Variants in POLR1D observed in about 807,000 individuals in gnomAD.
The protein encoded by POLR1D is RNA polymerase I and III subunit D.
In POLR1D, 8 loss-of-function variants were observed where a neutral mutation model predicts 10.8. The observed-to-expected ratio is 0.74, with a 90% CI of 0.43 to 1.33. The LOEUF is 1.33. Among genes scored for constraint, POLR1D ranks in the 40% most tolerant of loss-of-function variants. The pLI is 0.01. For missense variants in POLR1D, 152 were observed against 161.7 expected, an observed-to-expected ratio of 0.94 and a Z score of 0.32; for synonymous variants, 54 against 57.2, an observed-to-expected ratio of 0.94 and a Z score of 0.25.
chr13:27,626,229 G>T (rs141023144), downstream of POLR1D, among the ~76,000 whole-genome samples: 26 of 152,322 alleles, frequency 1.7e-4, no homozygotes, highest in African/African-American at 5.8e-4. Context: ...CTAAACCAAG[G>T]CCTGTCAGGA....
At chr13:27,632,602 T>C (rs1400877877) in intron 1 of POLR1D, among the ~76,000 whole-genome samples, 2 of 152,090 alleles carry the variant, frequency 1.3e-5, no homozygotes, top group East Asian at 1.9e-4. Context: ...AGGATAGGTG[T>C]CATTTCTTGT....
downstream of POLR1D, among the ~76,000 whole-genome samples, chr13:27,628,047 C>G (rs1237792210): frequency 6.6e-6 from 1 of 152,298 alleles, no homozygotes; most frequent in East Asian, 1.9e-4. Context: ...CAGGATTTAT[C>G]ATTTCTTTTC....
At chr13:27,666,030 G>A (rs2138579150) in exon 3 of POLR1D, 1 of 1,356,516 alleles carries the variant, frequency 7.4e-7, no homozygotes, top group Non-Finnish European at 1.0e-6. Context: ...GGCCTGAGCT[G>A]GCAGGGCAAA....
chr13:27,645,846 C>T (rs1349552562), intron 1 of POLR1D, among the ~76,000 whole-genome samples: 3 of 152,150 alleles, frequency 2.0e-5, no homozygotes, highest in Admixed American at 1.3e-4. Flanking sequence ...CATCCTTAAG[C>T]GTGCCAGGTA....
downstream of POLR1D, among the ~76,000 whole-genome samples, chr13:27,627,732 T>G (rs1167202514): frequency 2.6e-5 from 3 of 116,146 alleles, no homozygotes; most frequent in African/African-American, 8.4e-5. Context: ...TTTTAGTTTT[T>G]TTTTTTTTTT....
chr13:27,627,985 A>AT (rs1956034518), downstream of POLR1D, among the ~76,000 whole-genome samples: 1 of 152,184 alleles, frequency 6.6e-6, no homozygotes, highest in South Asian at 2.1e-4. Flanking sequence ...ATCCAGGTTC[A>AT]TTTACCCCTT....
downstream of POLR1D, chr13:27,623,480 C>A: frequency 2.3e-6 from 2 of 886,020 alleles, no homozygotes; most frequent in Non-Finnish European, 3.1e-6. Context: ...TCCATGCAAC[C>A]AAATGGTCCT....
In POLR1D at chr13:27,648,511, T is replaced by C. The variant is rs1013505885; in HGVS notation, c.101+58T>C. ...AAGAAAAAATTCTTAGCTGGAGATA[T>C]AAATATGTAAATCTTTAGCATATAG... On this transcript the variant is annotated intron_variant, in intron 2 of 2. Transcript: ENST00000399697. 12 of 1,037,380 alleles carry C rather than the reference T, an allele frequency of 1.2e-5. No homozygotes were observed. In the Admixed American group the frequency reaches 1.3e-4, roughly 11 times the overall value. The allele number at this position is 1,037,380 out of a possible 1,614,324, so 64.3% of individuals were successfully genotyped here.
At chr13:27,639,712 A>C (rs966302996) in intron 1 of POLR1D, among the ~76,000 whole-genome samples, 1 of 152,208 alleles carries the variant, frequency 6.6e-6, no homozygotes, top group African/African-American at 2.4e-5. Flanking sequence ...TAACTGAAGA[A>C]GTGATCTCTC....
intron 1 of POLR1D, among the ~76,000 whole-genome samples, chr13:27,641,827 G>A (rs1241603531): frequency 2.6e-5 from 4 of 152,126 alleles, no homozygotes; most frequent in Admixed American, 6.5e-5. Flanking sequence ...TTTGGACAGA[G>A]GGCATAACCT....
intron 1 of POLR1D, among the ~76,000 whole-genome samples, chr13:27,634,355 T>C (rs185471186): frequency 2.6e-4 from 39 of 152,298 alleles, no homozygotes; most frequent in Admixed American, 2.1e-3. Flanking sequence ...ATTCCCTTCC[T>C]ATTTCCTTGT....
intron 1 of POLR1D, among the ~76,000 whole-genome samples, chr13:27,642,369 T>C (rs1259297885): frequency 1.3e-5 from 2 of 152,190 alleles, no homozygotes; most frequent in Admixed American, 6.5e-5. Flanking sequence ...AGGATACGTG[T>C]TGCTGTTGTG....
intron 2 of POLR1D, chr13:27,648,579 C>A: frequency 1.5e-6 from 1 of 652,340 alleles, no homozygotes; most frequent in South Asian, 1.5e-5. Context: ...CTCTCAGAGA[C>A]AAGTGTAGAG....
At chr13:27,622,203 A>G in intron 1 of POLR1D, 194 bp downstream of exon 1, 1 of 621,006 alleles carries the variant, frequency 1.6e-6, no homozygotes, top group Non-Finnish European at 2.9e-6. Context: ...CAAGGAGGGA[A>G]GACAAGTTGG....
chr13:27,652,138 A>T (rs1446754005), intron 2 of POLR1D, among the ~76,000 whole-genome samples: 2 of 152,230 alleles, frequency 1.3e-5, no homozygotes, highest in Non-Finnish European at 2.9e-5. Flanking sequence ...TAGAGTTAAA[A>T]TCATGCAATT....
chr13:27,652,926 T>C (rs1956279572), intron 2 of POLR1D, among the ~76,000 whole-genome samples: 1 of 141,606 alleles, frequency 7.1e-6, no homozygotes, highest in Admixed American at 6.9e-5. Context: ...TTTTTTTTTT[T>C]TTTTTTTTTT....
intron 1 of POLR1D, among the ~76,000 whole-genome samples, chr13:27,636,979 ATAGT>A (rs1295082915): frequency 2.0e-5 from 3 of 152,228 alleles, no homozygotes; most frequent in Non-Finnish European, 2.9e-5. Context: ...AAAACAATGC[ATAGT>A]TAAACATTGG....
At chr13:27,624,869 C>T, downstream of POLR1D, among the ~76,000 whole-genome samples, 1 of 152,096 alleles carries the variant, frequency 6.6e-6, no homozygotes, top group Non-Finnish European at 1.5e-5. Flanking sequence ...GCCTGGGTGA[C>T]AGAGGGAGAC....
At chr13:27,624,981 A>G (rs1454361245), downstream of POLR1D, among the ~76,000 whole-genome samples, 1 of 152,158 alleles carries the variant, frequency 6.6e-6, no homozygotes, top group Non-Finnish European at 1.5e-5. Context: ...TACTTTAGGC[A>G]CGGAAGTTAG....
Sources: gnomAD v4.1 joint callset for allele counts (sites outside exome capture counted in the v4.1 genomes callset) on GRCh38, gnomAD v4.1.1 for gene constraint, MANE v1.5 for transcripts, NCBI Gene and HGNC (gene_info 2026-07-23, HGNC 2026-07-21) for gene names.